Variants in DNM3 observed in about 807,000 individuals in gnomAD.
DNM3 encodes dynamin 3.
Under a neutral mutation model 101.6 loss-of-function variants are expected in DNM3, and 47 were observed. That is an observed-to-expected ratio of 0.46 (90% CI 0.37 to 0.59). The LOEUF (loss-of-function observed/expected upper bound fraction) is 0.59, where lower values mean the gene tolerates loss of function less well. DNM3 is among the 20% of genes least tolerant of loss of function. DNM3 has a pLI of 0.00. For synonymous variants in DNM3, 385 were observed against 387.9 expected, an observed-to-expected ratio of 0.99 and a Z score of 0.09; for missense variants, 849 against 1,085.7, an observed-to-expected ratio of 0.78 and a Z score of 3.06.
intron 1 of DNM3, among the ~76,000 whole-genome samples, chr1:171,847,896 C>CTCTCTGTG (rs1200145388): frequency 9.5e-4 from 134 of 141,230 alleles, no homozygotes; most frequent in Middle Eastern, 7.2e-3. Context: ...CTCTCTCTCT[C>CTCTCTGTG]TGTGTGTGTG....
chr1:172,084,836 GATGTACATAGTACTTTACAC>G (rs2053418658), intron 12 of DNM3, among the ~76,000 whole-genome samples: 1 of 152,100 alleles, frequency 6.6e-6, no homozygotes. Context: ...ATAGGATGGT[GATGTACATAGTACTTTACAC>G]ATGTAATTTT....
chr1:172,360,576 G>A (rs543348272), intron 17 of DNM3, among the ~76,000 whole-genome samples: 1 of 152,070 alleles, frequency 6.6e-6, no homozygotes, highest in Admixed American at 6.6e-5. Flanking sequence ...TAGAGCCTCA[G>A]GCAAAATGCA....
At chr1:171,948,331 A>G (rs540018919) in intron 2 of DNM3, among the ~76,000 whole-genome samples, 10 of 152,346 alleles carry the variant, frequency 6.6e-5, no homozygotes, top group African/African-American at 2.4e-4. Flanking sequence ...ACTAATGTAT[A>G]ATGGATAGGG....
chr1:172,209,516 A>G (rs1364873779), intron 14 of DNM3, among the ~76,000 whole-genome samples: 1 of 151,976 alleles, frequency 6.6e-6, no homozygotes. Flanking sequence ...GTTCTCAAGA[A>G]CTACCCTGGA....
chr1:172,175,429 A>G (rs1402495245), intron 14 of DNM3, among the ~76,000 whole-genome samples: 1 of 151,760 alleles, frequency 6.6e-6, no homozygotes, highest in Non-Finnish European at 1.5e-5. Context: ...TACTTACTAT[A>G]GTTGTAGATT....
chr1:171,951,029 G>A (rs2042491078), intron 2 of DNM3, among the ~76,000 whole-genome samples: 1 of 151,996 alleles, frequency 6.6e-6, no homozygotes, highest in Admixed American at 6.6e-5. Context: ...TTTGATTTCT[G>A]TTCTCTGGGT....
intron 17 of DNM3, among the ~76,000 whole-genome samples, chr1:172,350,554 G>C (rs111813771): frequency 5.9e-5 from 9 of 152,192 alleles, no homozygotes; most frequent in African/African-American, 2.2e-4. Flanking sequence ...AAAACGTAAC[G>C]TAAAACAATT....
At chr1:172,377,259 G>A (rs1433285457) in intron 17 of DNM3, among the ~76,000 whole-genome samples, 1 of 151,558 alleles carries the variant, frequency 6.6e-6, no homozygotes, top group African/African-American at 2.4e-5. Flanking sequence ...TGACAATTAC[G>A]ATGATACCCC....
At chr1:172,190,375 G>T (rs1181405123) in intron 14 of DNM3, among the ~76,000 whole-genome samples, 1 of 152,098 alleles carries the variant, frequency 6.6e-6, no homozygotes, top group Non-Finnish European at 1.5e-5. Context: ...GTATTCCATG[G>T]TGTATATGTG....
chr1:172,093,852 G>A, intron 13 of DNM3: 1 of 771,748 alleles, frequency 1.3e-6, no homozygotes, highest in East Asian at 2.6e-5. Context: ...AGGTTGTCTT[G>A]TCCGTAACAC....
At chr1:171,927,651 A>G (rs2040686127) in intron 2 of DNM3, among the ~76,000 whole-genome samples, 2 of 152,204 alleles carry the variant, frequency 1.3e-5, no homozygotes, top group African/African-American at 4.8e-5. Context: ...AAAAAAATAT[A>G]GTACATATAC....
chr1:171,872,623 C>T (rs1473510582), intron 1 of DNM3, among the ~76,000 whole-genome samples: 2 of 152,180 alleles, frequency 1.3e-5, no homozygotes, highest in Non-Finnish European at 2.9e-5. Context: ...GCTAGTCTCT[C>T]GGCATGCTGG....
At chr1:172,213,144 C>G (rs1483906733) in intron 14 of DNM3, among the ~76,000 whole-genome samples, 1 of 152,108 alleles carries the variant, frequency 6.6e-6, no homozygotes, top group Non-Finnish European at 1.5e-5. Flanking sequence ...AACAGGAGAG[C>G]AGCAGCAGTA....
intron 14 of DNM3, among the ~76,000 whole-genome samples, chr1:172,247,161 T>G (rs1404639330): frequency 6.6e-6 from 1 of 152,162 alleles, no homozygotes; most frequent in Non-Finnish European, 1.5e-5. Flanking sequence ...GCTGGCACAG[T>G]GGTACTTCGC....
intron 14 of DNM3, among the ~76,000 whole-genome samples, chr1:172,175,622 C>G (rs535346831): frequency 2.0e-5 from 3 of 151,786 alleles, no homozygotes; most frequent in Non-Finnish European, 4.4e-5. Flanking sequence ...GAAGGAGATT[C>G]CTCCAAGAAC....
At chr1:172,201,532 GC>G (rs2060151719) in intron 14 of DNM3, among the ~76,000 whole-genome samples, 1 of 152,198 alleles carries the variant, frequency 6.6e-6, no homozygotes, top group Non-Finnish European at 1.5e-5. Context: ...TGTGCTATGG[GC>G]CCAAGCCAGG....
chr1:172,092,685 A>T, intron 12 of DNM3, 139 bp from the exon 13 acceptor site: 1 of 884,488 alleles, frequency 1.1e-6, no homozygotes, highest in Non-Finnish European at 1.7e-6. Flanking sequence ...TTCCAGAATT[A>T]AACTGACCTG....
chr1:171,943,410 A>G (rs2041950498), intron 2 of DNM3, among the ~76,000 whole-genome samples: 1 of 152,206 alleles, frequency 6.6e-6, no homozygotes, highest in Admixed American at 6.5e-5. Context: ...AATTACCAAT[A>G]GAACAGACTC....
intron 20 of DNM3, among the ~76,000 whole-genome samples, chr1:172,395,519 G>C (rs1213489533): frequency 6.6e-6 from 1 of 152,132 alleles, no homozygotes; most frequent in Non-Finnish European, 1.5e-5. Context: ...TAGCCAATAA[G>C]AGCCAGGAAA....
Sources: allele counts gnomAD v4.1 joint callset (sites outside exome capture counted in the v4.1 genomes callset), GRCh38; gene constraint gnomAD v4.1.1; transcripts MANE v1.5; gene names NCBI Gene and HGNC (gene_info 2026-07-23, HGNC 2026-07-21).